The following PTPRB variants were observed in gnomAD, a reference collection of about 807,000 sequenced individuals.
The protein encoded by PTPRB is receptor-type tyrosine-protein phosphatase beta.
A neutral mutation model predicts 238.1 loss-of-function variants in PTPRB; 97 were observed. That is an observed-to-expected ratio of 0.41 (90% CI 0.35 to 0.48). The LOEUF (loss-of-function observed/expected upper bound fraction) is 0.48, where lower values mean the gene tolerates loss of function less well. PTPRB is among the 20% of genes least tolerant of loss of function. PTPRB has a pLI of 0.30. For missense variants in PTPRB, 2,292 were observed against 2,681.9 expected (o/e 0.85, Z 3.21); for synonymous variants, 970 against 995.4 (o/e 0.97, Z 0.48).
chr12:70,559,598 A>G lies in PTPRB; in HGVS notation c.4459T>C (p.Phe1487Leu). The G allele has an allele frequency of 6.2e-7, 1 of 1,612,302 alleles. No individual in the cohort carries two copies. Among genetic ancestry groups the G allele is most frequent in the Non-Finnish European group, 8.5e-7 (1 of 1,178,332 alleles). The change falls in exon 18 of 34, where the codon TTT becomes CTT. Residue 1487 changes from phenylalanine (F) to leucine (L), a missense_variant. Around this residue, in one of 4 missense-constraint regions of PTPRB, gnomAD observed 683 missense variants for 862.0 expected, o/e 0.79. Transcript: ENST00000334414. ...AAGGATGTGTTTGCAATGTCAGCAA[A>G]TGACATAAGACTGGGAGGACTTGGA... ...TAPSPPSLMS[F>L]ADIANTSLAI...
At chr12:70,616,935 A>C (rs1329521376) in intron 3 of PTPRB, among the ~76,000 whole-genome samples, 1 of 152,224 alleles carries the variant, frequency 6.6e-6, no homozygotes, top group Non-Finnish European at 1.5e-5. Flanking sequence ...TACTCAAGTA[A>C]AATAGTTGGC....
intron 23 of PTPRB, 158 bp downstream of exon 23, chr12:70,540,700 A>G: frequency 1.6e-6 from 1 of 623,982 alleles, no homozygotes; most frequent in South Asian, 2.1e-5. Flanking sequence ...AAAGTGAGTC[A>G]TGGCTTTAGA....
At position 70,635,883 on chromosome 12, in the gene PTPRB, C is replaced by A. The variant is rs761837685; in HGVS notation, c.239G>T (p.Arg80Leu). Reference sequence around the variant, plus strand: ...GGAACAGCGGTCCAAGATGGCTGAGCGGGAGGGGCCGCGGGAAGAGTTGGA... The same window carrying A: ...GGAACAGCGGTCCAAGATGGCTGAGAGGGAGGGGCCGCGGGAAGAGTTGGA... ...AISNSSRGPS[R>L]SAILDRCSQA... The change falls in exon 2 of 34, where the codon CGC becomes CTC. Residue 80 changes from arginine (R) to leucine (L), a missense_variant. Physicochemically the swap from Arg to Leu is moderately radical, Grantham distance 102 (BLOSUM62 -2). Transcript: ENST00000334414. 15 of 1,613,588 alleles carry A rather than the reference C, an allele frequency of 9.3e-6. No homozygotes were observed. In the South Asian group the frequency reaches 1.4e-4, roughly 15 times the overall value.
At chr12:70,534,142 A>G (rs78832474) in intron 31 of PTPRB, among the ~76,000 whole-genome samples, 2,050 of 152,286 alleles carry the variant, frequency 0.013, 45 homozygotes, top group African/African-American at 0.047. Context: ...GAAGGGAGTT[A>G]TTGGGAACTT....
chr12:70,556,289 C>T, intron 18 of PTPRB, 141 bp from the exon 19 acceptor site: 1 of 774,738 alleles, frequency 1.3e-6, no homozygotes, highest in Non-Finnish European at 2.0e-6. Flanking sequence ...CTCACCCTAG[C>T]AGAGACACAT....
chr12:70,537,309 GAA>G (rs1440632757), intron 28 of PTPRB, among the ~76,000 whole-genome samples: 3 of 111,006 alleles, frequency 2.7e-5, no homozygotes, highest in South Asian at 3.0e-4. Flanking sequence ...AAAAAAAAAA[GAA>G]AGAAATACAG....
intron 10 of PTPRB, 21 bp from the exon 11 acceptor site, chr12:70,576,666 G>GGT (rs1356785032): frequency 3.5e-6 from 1 of 281,868 alleles, no homozygotes; most frequent in African/African-American, 4.1e-5. Context: ...GAAAGGTGGG[G>GGT]GGCGGGGGGG....
intron 3 of PTPRB, among the ~76,000 whole-genome samples, chr12:70,610,788 A>G (rs906015617): frequency 6.6e-6 from 1 of 152,176 alleles, no homozygotes; most frequent in African/African-American, 2.4e-5. Flanking sequence ...ATCATCCAGT[A>G]GTTAAAGCCA....
intron 18 of PTPRB, among the ~76,000 whole-genome samples, chr12:70,557,718 G>T (rs143261589): frequency 1.1e-4 from 17 of 152,342 alleles, no homozygotes; most frequent in African/African-American, 3.8e-4. Flanking sequence ...CCAAGAGATG[G>T]AGAGCCTACA....
intron 2 of PTPRB, 89 bp downstream of exon 2, chr12:70,635,582 T>G: frequency 7.2e-7 from 1 of 1,381,658 alleles, no homozygotes; most frequent in Admixed American, 2.3e-5. Flanking sequence ...TTCCCTTAAA[T>G]GTAAAACAAA....
At chr12:70,573,326 T>C (rs1211029524) in intron 11 of PTPRB, among the ~76,000 whole-genome samples, 3 of 152,154 alleles carry the variant, frequency 2.0e-5, no homozygotes, top group Non-Finnish European at 4.4e-5. Context: ...TGGCTACCTT[T>C]GAGTGAATTC....
At position 70,596,050 on chromosome 12, in the gene PTPRB, T is replaced by C; in HGVS notation, c.1257A>G (p.Thr419=). Residue 419 remains threonine (T), a splice_region_variant and synonymous_variant, in exon 5 of 34, where the codon ACA becomes ACG. Transcript: ENST00000334414. The part of the protein sequence containing the change: ...RSFSVYTNGS[T]VPSPVKDIGI... ...AGCTATAAAATAAACAGGTCTTACC[T>C]GTTGATCCATTGGTATAAACTGAAA... 1 of 1,595,594 alleles carries C rather than the reference T, an allele frequency of 6.3e-7. No individual in the cohort carries two copies. Among genetic ancestry groups the C allele is most frequent in the Non-Finnish European group, 8.6e-7 (1 of 1,168,160 alleles).
intron 15 of PTPRB, among the ~76,000 whole-genome samples, chr12:70,563,681 G>C (rs1036417906): frequency 1.3e-5 from 2 of 152,010 alleles, no homozygotes; most frequent in African/African-American, 4.8e-5. Context: ...AAATACCTAT[G>C]GTCCCTTCTC....
chr12:70,580,982 G>A, intron 10 of PTPRB, 54 bp downstream of exon 10: 7 of 1,543,132 alleles, frequency 4.5e-6, no homozygotes, highest in Non-Finnish European at 6.2e-6. Flanking sequence ...CTGATTAGGG[G>A]TCTCATGTAC....
intron 29 of PTPRB, 62 bp from the exon 30 acceptor site, chr12:70,535,017 G>T: frequency 6.5e-7 from 1 of 1,549,758 alleles, no homozygotes; most frequent in Admixed American, 1.9e-5. Flanking sequence ...TGAACCTGGG[G>T]TTTCCCTCCT....
chr12:70,536,289 C>T (rs1874114066), intron 28 of PTPRB, 130 bp from the exon 29 acceptor site: 1 of 1,052,546 alleles, frequency 9.5e-7, no homozygotes. Context: ...GATACTAACA[C>T]AAGTGTCAAT....
At chr12:70,543,988 A>G (rs375922794) in intron 22 of PTPRB, among the ~76,000 whole-genome samples, 3 of 152,204 alleles carry the variant, frequency 2.0e-5, no homozygotes, top group Non-Finnish European at 4.4e-5. Flanking sequence ...AATACTAGCC[A>G]CTATTATTAC....
At chr12:70,530,789 G>T (rs565659789) in intron 32 of PTPRB, among the ~76,000 whole-genome samples, 153 of 152,220 alleles carry the variant, frequency 1.0e-3, no homozygotes, top group Middle Eastern at 3.4e-3. Context: ...TGTGGCCTAG[G>T]CTGGTGTCAA....
intron 2 of PTPRB, among the ~76,000 whole-genome samples, chr12:70,628,052 G>A (rs954547142): frequency 2.0e-5 from 3 of 151,986 alleles, no homozygotes; most frequent in South Asian, 2.1e-4. Context: ...CAGTTAAATC[G>A]AGCCTGCCAA....
Sources: gnomAD v4.1 joint callset for allele counts (sites outside exome capture counted in the v4.1 genomes callset) on GRCh38, gnomAD v4.1.1 for gene constraint, gnomAD v4.1.1 regional missense constraint, MANE v1.5 for transcripts, NCBI Gene and HGNC (gene_info 2026-07-23, HGNC 2026-07-21) for gene names.